PSPC1: variants seen among roughly 807,000 people sequenced by gnomAD.
PSPC1 encodes paraspeckle protein 1.
In PSPC1, 14 loss-of-function variants were observed where a neutral mutation model predicts 51.6. That is an observed-to-expected ratio of 0.27 (90% CI 0.18 to 0.42). The LOEUF is 0.42. Among genes scored for constraint, PSPC1 ranks in the 10% least tolerant of loss-of-function variants. The pLI is 1.00. For missense variants in PSPC1, 406 were observed against 701.1 expected (o/e 0.58, Z 4.75); for synonymous variants, 193 against 231.9 (o/e 0.83, Z 1.53).
chr13:19,780,914 T>C (rs975532471), intron 1 of PSPC1, among the ~76,000 whole-genome samples: 3 of 152,116 alleles, frequency 2.0e-5, no homozygotes, highest in Admixed American at 6.6e-5. Flanking sequence ...CCCAGCACTT[T>C]GGGAGGCCAA....
intron 1 of PSPC1, among the ~76,000 whole-genome samples, chr13:19,776,295 T>C (rs1449368505): frequency 6.6e-6 from 1 of 151,902 alleles, no homozygotes; most frequent in African/African-American, 2.4e-5. Flanking sequence ...AGAGACCTTG[T>C]CTCTACAAAA....
chr13:19,701,828 C>A (rs1168983973), downstream of PSPC1, among the ~76,000 whole-genome samples: 1 of 152,146 alleles, frequency 6.6e-6, no homozygotes, highest in African/African-American at 2.4e-5. Flanking sequence ...AACAGCTATG[C>A]TATGATCAGT....
chr13:19,770,592 A>G (rs986200028), intron 2 of PSPC1, among the ~76,000 whole-genome samples: 3 of 152,196 alleles, frequency 2.0e-5, no homozygotes, highest in African/African-American at 7.2e-5. Context: ...GTTCCAGACC[A>G]GCCTGCCCAA....
At chr13:19,708,806 G>C (rs17241417) in intron 7 of PSPC1, among the ~76,000 whole-genome samples, 1 of 152,050 alleles carries the variant, frequency 6.6e-6, no homozygotes, top group African/African-American at 2.4e-5. Context: ...TGTATAAAAC[G>C]CTCTCCACCT....
chr13:19,741,433 C>T (rs1885422662), intron 5 of PSPC1, 132 bp downstream of exon 5: 1 of 607,296 alleles, frequency 1.6e-6, no homozygotes, highest in East Asian at 2.9e-5. Context: ...AAGTAATTCA[C>T]TGTATGTGGT....
rs2137724205 is a variant in PSPC1 at position 19,703,374 on chromosome 13, C to T, written c.1387-14G>A. The T allele has an allele frequency of 6.4e-7, 1 of 1,567,088 alleles. No homozygotes were observed. The highest frequency in any genetic ancestry group is 1.4e-5 in the African/African-American group (1 of 73,040). ...TCTGTCATTGTGCTATGATACCACA[C>T]AATAAGGAATAGAATATGAAGTCCA... On this transcript the variant is annotated splice_polypyrimidine_tract_variant and intron_variant, in intron 8 of 8. Coordinates refer to ENST00000338910, the MANE Select transcript of PSPC1 (RefSeq NM_001354909.2).
At chr13:19,707,754 C>CA (rs1880886531) in intron 7 of PSPC1, among the ~76,000 whole-genome samples, 1 of 152,116 alleles carries the variant, frequency 6.6e-6, no homozygotes, top group African/African-American at 2.4e-5. Context: ...TCTGCACCAT[C>CA]AGAAATGGTT....
chr13:19,691,757 A>G (rs1841606797), intron 6 of PSPC1, among the ~76,000 whole-genome samples: 1 of 152,098 alleles, frequency 6.6e-6, no homozygotes, highest in Admixed American at 6.5e-5. Flanking sequence ...CATCCCTACA[A>G]AAACACAAAT....
chr13:19,782,784 A>T lies in PSPC1; in HGVS notation c.-27T>A. On this transcript the variant is annotated 5_prime_UTR_variant, in exon 1 of 9. Coordinates refer to ENST00000338910, the MANE Select transcript of PSPC1 (RefSeq NM_001354909.2). This position sits in a 1 kb window ranked among gnomAD's most constrained non-coding sequence, Gnocchi z 4.5. ...TTACTGAGTTCGCCTCGGACACCGGATACAGGCCTAGATTTATAGACAGTG... is the reference window on the plus strand; with the variant it reads ...TTACTGAGTTCGCCTCGGACACCGGTTACAGGCCTAGATTTATAGACAGTG... The T allele has an allele frequency of 6.6e-7, 1 of 1,516,230 alleles. No homozygotes were observed. Among genetic ancestry groups the T allele is most frequent in the Non-Finnish European group, 8.7e-7 (1 of 1,149,714 alleles). 93.9% of individuals were successfully genotyped at this position (1,516,230 alleles called of 1,614,324 possible). A position where few individuals can be genotyped will look rare whatever the true frequency, so the allele number is the denominator to read the frequency against.
chr13:19,743,207 G>A (rs1387331399), intron 4 of PSPC1, among the ~76,000 whole-genome samples: 3 of 152,112 alleles, frequency 2.0e-5, no homozygotes, highest in African/African-American at 7.2e-5. Context: ...ATAATAAAAT[G>A]TTAAAATACT....
intron 3 of PSPC1, among the ~76,000 whole-genome samples, chr13:19,752,611 A>G (rs1213062496): frequency 1.3e-5 from 2 of 151,446 alleles, no homozygotes; most frequent in African/African-American, 4.9e-5. Flanking sequence ...TTTGAGACAC[A>G]GTCTCACAGT....
downstream of PSPC1, among the ~76,000 whole-genome samples, chr13:19,700,284 T>C (rs1879744278): frequency 6.6e-6 from 1 of 152,088 alleles, no homozygotes; most frequent in African/African-American, 2.4e-5. Flanking sequence ...TCAAATAGTG[T>C]TTGAAAAACA....
At chr13:19,780,237 G>A (rs1593799745) in intron 1 of PSPC1, among the ~76,000 whole-genome samples, 1 of 143,094 alleles carries the variant, frequency 7.0e-6, no homozygotes, top group Non-Finnish European at 1.5e-5. Flanking sequence ...GGAGGTGAGG[G>A]GCGCCTCTGC....
intron 3 of PSPC1, among the ~76,000 whole-genome samples, chr13:19,752,718 T>G (rs1223398494): frequency 2.0e-5 from 3 of 152,086 alleles, no homozygotes; most frequent in Non-Finnish European, 4.4e-5. Context: ...CCCGAGTAGC[T>G]CGGATTACAG....
intron 6 of PSPC1, among the ~76,000 whole-genome samples, chr13:19,721,258 TCTGTTA>T (rs1270272601): frequency 8.1e-6 from 1 of 123,344 alleles, no homozygotes; most frequent in Non-Finnish European, 1.7e-5. Flanking sequence ...CTGAGGATCT[TCTGTTA>T]CTAATTCAAA....
intron 5 of PSPC1, among the ~76,000 whole-genome samples, chr13:19,736,063 G>A (rs1041982041): frequency 6.6e-6 from 1 of 151,848 alleles, no homozygotes; most frequent in Non-Finnish European, 1.5e-5. Flanking sequence ...CTTGTGATCC[G>A]CCTGCCTCGG....
In PSPC1 at chr13:19,765,341, A is replaced by ATT. The variant is rs1555248065; in HGVS notation, c.675-5924_675-5923insAA. Among the ~76,000 whole-genome samples, 393 of 132,612 alleles carry ATT rather than the reference A, an allele frequency of 3.0e-3. 5 individuals are homozygous for ATT. The highest frequency in any genetic ancestry group is 0.011 in the African/African-American group (377 of 33,144). 87.0% of individuals were successfully genotyped at this position (132,612 alleles called of 152,430 possible). On this transcript the variant is annotated intron_variant, in intron 2 of 8. Coordinates refer to ENST00000338910, the MANE Select transcript of PSPC1 (RefSeq NM_001354909.2). Reference sequence around the variant, plus strand: ...CCATCTCAAAAATAATAATAATAATAATAATTATTATTATTATTATTATTA... The same window carrying ATT: ...CCATCTCAAAAATAATAATAATAATATTATAATTATTATTATTATTATTATTA...
rs141425633 is a variant in PSPC1, at chr13:19,716,949, G to T, written c.1159-7350C>A. Among the ~76,000 whole-genome samples the T allele has an allele frequency of 2.6e-5, 4 of 152,176 alleles. No homozygotes were observed. In the South Asian group the frequency reaches 8.3e-4, roughly 31 times the overall value. ...TCACTCCTGTAACCTCAGCACTTTG[G>T]GGGGCTGAGGCAGGCAGATCACCTG... is the stretch of plus-strand genomic sequence containing the variant. On this transcript the variant is annotated intron_variant, in intron 6 of 8. Transcript: ENST00000338910.
At chr13:19,678,168 A>G (rs1292524846) in intron 6 of PSPC1, 1 of 233,698 alleles carries the variant, frequency 4.3e-6, no homozygotes, top group African/African-American at 2.3e-5. Context: ...CCTCTTGTAC[A>G]GATTGTTGAT....
Sources: gnomAD v4.1 joint callset for allele counts (sites outside exome capture counted in the v4.1 genomes callset) on GRCh38, gnomAD v4.1.1 for gene constraint, Gnocchi (gnomAD v3.1) non-coding constraint, MANE v1.5 for transcripts, NCBI Gene and HGNC (gene_info 2026-07-23, HGNC 2026-07-21) for gene names.